Variants in UST observed in about 807,000 individuals in gnomAD.
UST encodes the protein chondroitin sulfate 2-O-sulfotransferase.
A neutral mutation model predicts 45.6 loss-of-function variants in UST; 21 were observed. The observed-to-expected ratio is 0.46, with a 90% CI of 0.33 to 0.66. The LOEUF (loss-of-function observed/expected upper bound fraction) is 0.66. Ranked by LOEUF, UST falls within the 30% of genes least tolerant of loss-of-function variation. The pLI, the probability that UST is intolerant of heterozygous loss-of-function variation, is 0.02. For missense variants in UST, 463 were observed against 512.4 expected (o/e 0.90, Z 0.93); for synonymous variants, 215 against 200.6 (o/e 1.07, Z -0.61).
At chr6:148,920,327 C>T (rs972578080) in intron 2 of UST, among the ~76,000 whole-genome samples, 2 of 148,594 alleles carry the variant, frequency 1.3e-5, no homozygotes, top group African/African-American at 2.6e-5. Context: ...AATTGCTGTA[C>T]GTTTTGAGAC....
chr6:148,895,646 G>A (rs1248833336), intron 2 of UST, among the ~76,000 whole-genome samples: 1 of 152,174 alleles, frequency 6.6e-6, no homozygotes, highest in Non-Finnish European at 1.5e-5. Flanking sequence ...TGTTCTTGTG[G>A]TAGTGAATCC....
At chr6:148,814,753 A>G (rs111817108) in intron 1 of UST, among the ~76,000 whole-genome samples, 8 of 152,304 alleles carry the variant, frequency 5.3e-5, no homozygotes, top group African/African-American at 1.9e-4. Context: ...ACTTTCCAGG[A>G]TACAGAGCAC....
intron 1 of UST, among the ~76,000 whole-genome samples, chr6:148,808,743 G>A (rs1777197737): frequency 6.6e-6 from 1 of 152,172 alleles, no homozygotes; most frequent in Admixed American, 6.5e-5. Flanking sequence ...TGGAGGCAGA[G>A]CCTTTGGGAG....
chr6:148,823,483 C>T (rs1196958573), intron 1 of UST, among the ~76,000 whole-genome samples: 1 of 152,140 alleles, frequency 6.6e-6, no homozygotes, highest in Non-Finnish European at 1.5e-5. Context: ...AGGAACTGTA[C>T]ATTTTTGTGA....
intron 1 of UST, among the ~76,000 whole-genome samples, chr6:148,782,253 G>A (rs554924228): frequency 3.3e-5 from 5 of 151,990 alleles, no homozygotes; most frequent in Admixed American, 3.3e-4. Flanking sequence ...GTCATTCATG[G>A]AAGAAGGTCA....
At chr6:149,030,520 C>T (rs1776123806) in intron 7 of UST, among the ~76,000 whole-genome samples, 1 of 151,930 alleles carries the variant, frequency 6.6e-6, no homozygotes, top group South Asian at 2.1e-4. Flanking sequence ...TATCTCTGTC[C>T]AACGTATCTG....
intron 7 of UST, among the ~76,000 whole-genome samples, chr6:149,040,940 C>T (rs566533770): frequency 5.3e-5 from 8 of 152,282 alleles, no homozygotes; most frequent in East Asian, 1.9e-4. Context: ...GAATGGATTG[C>T]GTGACATCCT....
chr6:148,747,643 C>T lies in UST; in HGVS notation c.213C>T (p.Pro71=), dbSNP rs759786700. The change falls in exon 1 of 8, where the codon CCC becomes CCT. Residue 71 remains proline, a synonymous_variant. Coordinates refer to ENST00000367463, the MANE Select transcript of UST (RefSeq NM_005715.3). ...TCCTCTATCAGCTCAGCGGGGGACC[C>T]CCTCGCTTCCTGCTCGACCTGCGGC... is the stretch of plus-strand genomic sequence containing the variant. ...GSLLYQLSGG[P]PRFLLDLRQY... is the part of the protein sequence containing the mutation. 3.1e-6 allele frequency: 5 copies of T among 1,599,164 alleles called. No individual in the cohort carries two copies. The highest frequency in any genetic ancestry group is 3.4e-5 in the Admixed American group (2 of 58,340).
At chr6:148,876,356 G>A (rs1562285171) in intron 1 of UST, among the ~76,000 whole-genome samples, 2 of 152,162 alleles carry the variant, frequency 1.3e-5, no homozygotes, top group Admixed American at 6.5e-5. Flanking sequence ...ATCTCAACAT[G>A]AGACTTGGAG....
At chr6:149,019,549 G>A (rs1775950254) in intron 6 of UST, among the ~76,000 whole-genome samples, 2 of 152,030 alleles carry the variant, frequency 1.3e-5, no homozygotes, top group African/African-American at 4.8e-5. Context: ...CTTTCTCTTT[G>A]GATAAAATGA....
intron 1 of UST, among the ~76,000 whole-genome samples, chr6:148,870,437 A>T (rs1000949064): frequency 5.9e-5 from 9 of 152,108 alleles, no homozygotes; most frequent in African/African-American, 2.2e-4. Context: ...TTTGAATGAG[A>T]CTACCTCTTC....
chr6:149,072,172 G>A (rs961894129), intron 7 of UST, among the ~76,000 whole-genome samples: 10 of 152,258 alleles, frequency 6.6e-5, no homozygotes, highest in African/African-American at 1.9e-4. Flanking sequence ...TAGAATTACC[G>A]CATGACCCAG....
chr6:149,066,594 C>CA (rs956000971), intron 7 of UST, among the ~76,000 whole-genome samples: 12 of 152,106 alleles, frequency 7.9e-5, no homozygotes, highest in African/African-American at 2.9e-4. Context: ...TACTGACCCT[C>CA]ATGTTTAGAC....
At chr6:148,760,481 T>C (rs1365614518) in intron 1 of UST, among the ~76,000 whole-genome samples, 2 of 152,206 alleles carry the variant, frequency 1.3e-5, no homozygotes, top group Non-Finnish European at 2.9e-5. Flanking sequence ...GGAAGCTATA[T>C]AGGCTTGTCT....
chr6:149,024,163 G>C lies in UST; in HGVS notation c.937+2682G>C, dbSNP rs147467025. 6.7e-3 allele frequency among the ~76,000 whole-genome samples: 1,023 copies of C among 152,286 alleles called. 10 individuals are homozygous for C. The highest frequency in any genetic ancestry group is 0.037 in the Middle Eastern group (11 of 294). On this transcript the variant is annotated intron_variant, in intron 7 of 7. Transcript: ENST00000367463. ...AACACTTCTATACGGCCTTCAGGGT[G>C]CACCTGCCAGCCTGGCTGCCCGTCC...
At chr6:148,749,085 T>C (rs1775940789) in intron 1 of UST, among the ~76,000 whole-genome samples, 1 of 152,222 alleles carries the variant, frequency 6.6e-6, no homozygotes, top group Non-Finnish European at 1.5e-5. Context: ...AGTTACACTT[T>C]TATTTCTTTA....
intron 1 of UST, among the ~76,000 whole-genome samples, chr6:148,838,072 C>T (rs927359561): frequency 3.9e-5 from 6 of 152,088 alleles, no homozygotes; most frequent in Non-Finnish European, 7.4e-5. Flanking sequence ...TTCATAAATG[C>T]CTTGAGGAGA....
intron 1 of UST, among the ~76,000 whole-genome samples, chr6:148,873,670 C>T (rs1314628909): frequency 1.3e-5 from 2 of 152,158 alleles, no homozygotes; most frequent in African/African-American, 4.8e-5. Context: ...AACCCAGGAC[C>T]TCCTGATGAT....
chr6:148,942,248 A>G (rs1437339055), intron 3 of UST, among the ~76,000 whole-genome samples: 1 of 152,156 alleles, frequency 6.6e-6, no homozygotes, highest in African/African-American at 2.4e-5. Flanking sequence ...GGGAAGAAAC[A>G]AGGAACATGG....
Sources: allele counts gnomAD v4.1 joint callset (sites outside exome capture counted in the v4.1 genomes callset), GRCh38; gene constraint gnomAD v4.1.1; transcripts MANE v1.5; gene names NCBI Gene and HGNC (gene_info 2026-07-23, HGNC 2026-07-21).